Variants in CSMD1 observed in about 807,000 individuals in gnomAD.
CSMD1 encodes the protein CUB and sushi domain-containing protein 1.
In CSMD1, 213 loss-of-function variants were observed where a neutral mutation model predicts 417.5. The ratio of observed to expected loss-of-function variants is 0.51; its 90% CI spans 0.46 to 0.57. The LOEUF is 0.57. Ranked by LOEUF, CSMD1 falls within the 20% of genes least tolerant of loss-of-function variation. The pLI, the probability that CSMD1 is intolerant of heterozygous loss-of-function variation, is 0.00. For synonymous variants in CSMD1, 2,862 were observed against 1,736.8 expected (o/e 1.65, Z -16.11); for missense variants, 6,923 against 4,529.7 (o/e 1.53, Z -15.17).
chr8:4,705,926 G>A (rs1320287177), intron 1 of CSMD1, among the ~76,000 whole-genome samples: 1 of 151,930 alleles, frequency 6.6e-6, no homozygotes, highest in Admixed American at 6.6e-5. Flanking sequence ...TGTTGGTGCT[G>A]CTTATTTGAT....
intron 1 of CSMD1, among the ~76,000 whole-genome samples, chr8:4,738,903 T>TAGTG (rs140973405): frequency 6.8e-6 from 1 of 147,396 alleles, no homozygotes; most frequent in Admixed American, 6.7e-5. Context: ...TTCTGTGTGT[T>TAGTG]TGTGTGTGTG....
chr8:3,504,880 A>T (rs993559135), intron 10 of CSMD1, among the ~76,000 whole-genome samples: 1 of 152,208 alleles, frequency 6.6e-6, no homozygotes, highest in African/African-American at 2.4e-5. Context: ...CAAATGTGGC[A>T]AGGAAAATTT....
intron 3 of CSMD1, among the ~76,000 whole-genome samples, chr8:4,054,061 T>A (rs530744432): frequency 2.0e-5 from 3 of 152,296 alleles, no homozygotes; most frequent in Non-Finnish European, 2.9e-5. Context: ...AGCCAAATGC[T>A]ACTCCTATCT....
At chr8:3,996,549 G>A (rs974484724) in intron 5 of CSMD1, among the ~76,000 whole-genome samples, 1 of 151,824 alleles carries the variant, frequency 6.6e-6, no homozygotes, top group African/African-American at 2.4e-5. Flanking sequence ...TCCACCTCTC[G>A]GCTCAGCTTT....
chr8:4,677,234 G>C (rs895775182), intron 1 of CSMD1, among the ~76,000 whole-genome samples: 3 of 151,190 alleles, frequency 2.0e-5, no homozygotes, highest in African/African-American at 4.8e-5. Flanking sequence ...ATAATGCTCA[G>C]GGAATTTTAG....
intron 3 of CSMD1, among the ~76,000 whole-genome samples, chr8:4,163,837 A>T (rs1484496247): frequency 6.6e-6 from 1 of 152,178 alleles, no homozygotes; most frequent in Non-Finnish European, 1.5e-5. Context: ...TTCATCATTA[A>T]TTCAAAAATT....
chr8:4,116,629 A>G lies in CSMD1; in HGVS notation c.416-84530T>C, dbSNP rs533869585. On this transcript the variant is annotated intron_variant, in intron 3 of 69. Coordinates refer to ENST00000635120, the MANE Select transcript of CSMD1 (RefSeq NM_033225.6). The stretch of plus-strand genomic sequence containing the variant: ...GGTGCCTGGATGGAACAAACGCGCC[A>G]TGAATGAACCCTAACGTAAGCTGTA... 2.0e-5 allele frequency among the ~76,000 whole-genome samples: 3 copies of G among 149,544 alleles called. No individual in the cohort carries two copies. The East Asian group carries it at 6.1e-4, about 31-fold the overall frequency.
intron 3 of CSMD1, among the ~76,000 whole-genome samples, chr8:4,150,228 A>T (rs1299537078): frequency 6.6e-6 from 1 of 152,122 alleles, no homozygotes; most frequent in African/African-American, 2.4e-5. Flanking sequence ...AAACAGGGCC[A>T]TTTTTCCATC....
At chr8:4,248,982 A>G (rs1364768284) in intron 3 of CSMD1, among the ~76,000 whole-genome samples, 1 of 152,230 alleles carries the variant, frequency 6.6e-6, no homozygotes, top group Non-Finnish European at 1.5e-5. Flanking sequence ...AATTCAAAAC[A>G]TAAACAAACA....
At chr8:4,617,345 G>A (rs912513295) in intron 2 of CSMD1, among the ~76,000 whole-genome samples, 1 of 152,050 alleles carries the variant, frequency 6.6e-6, no homozygotes, top group Non-Finnish European at 1.5e-5. Context: ...ATTAGAAAAC[G>A]GAATGTAAAC....
intron 2 of CSMD1, among the ~76,000 whole-genome samples, chr8:4,559,704 G>C (rs1201908223): frequency 1.3e-5 from 2 of 152,176 alleles, no homozygotes; most frequent in African/African-American, 2.4e-5. Context: ...AAACAGCAAA[G>C]ATGCTGCGTA....
intron 18 of CSMD1, among the ~76,000 whole-genome samples, chr8:3,386,966 A>G (rs970737408): frequency 6.6e-6 from 1 of 152,198 alleles, no homozygotes; most frequent in Non-Finnish European, 1.5e-5. Context: ...GAGATTCCCA[A>G]GAGAAGATTT....
chr8:4,609,754 G>C (rs1801067373), intron 2 of CSMD1, among the ~76,000 whole-genome samples: 1 of 152,124 alleles, frequency 6.6e-6, no homozygotes. Flanking sequence ...GAAAGAAGCA[G>C]GGATGAAGTA....
At chr8:3,539,941 T>C (rs1468705746) in intron 10 of CSMD1, among the ~76,000 whole-genome samples, 1 of 152,188 alleles carries the variant, frequency 6.6e-6, no homozygotes, top group East Asian at 1.9e-4. Flanking sequence ...AACTTCTCTG[T>C]TTCCCATAAA....
chr8:3,201,619 A>C lies in CSMD1; in HGVS notation c.5091T>G (p.Ser1697=). The C allele has an allele frequency of 6.3e-7, 1 of 1,594,354 alleles. No individual in the cohort carries two copies. The change falls in exon 32 of 70, where the codon TCT becomes TCG. Residue 1697 remains serine, a synonymous_variant. Coordinates refer to ENST00000635120, the MANE Select transcript of CSMD1 (RefSeq NM_033225.6). The part of the protein sequence containing the change: ...QARLLSSLSG[S]HSGETLPLAT... ...AAATTCTTTAAGACTTACCTGAGTGAGACCCCGAGAGTGAGCTGAGAAGTC... is the reference window on the plus strand; with the variant it reads ...AAATTCTTTAAGACTTACCTGAGTGCGACCCCGAGAGTGAGCTGAGAAGTC...
At chr8:4,178,701 T>A (rs988427063) in intron 3 of CSMD1, among the ~76,000 whole-genome samples, 1 of 152,102 alleles carries the variant, frequency 6.6e-6, no homozygotes, top group Non-Finnish European at 1.5e-5. Context: ...CAGCCCAAAA[T>A]CTCCTTAAGC....
chr8:4,976,983 G>C (rs1810598552), intron 1 of CSMD1, among the ~76,000 whole-genome samples: 1 of 152,158 alleles, frequency 6.6e-6, no homozygotes, highest in Non-Finnish European at 1.5e-5. Flanking sequence ...TCCTAATAGA[G>C]CAATTTGTCA....
At position 4,827,614 on chromosome 8, in the gene CSMD1, A is replaced by G. The variant is rs183848367; in HGVS notation, c.85+166718T>C. On this transcript the variant is annotated intron_variant, in intron 1 of 69. Transcript: ENST00000635120. ...TTTCTTTGAGGAGCTTGTGTCTCAG[A>G]AAGATTGAATAGGTAAGTCTTTAGG... Among the ~76,000 whole-genome samples the G allele has an allele frequency of 3.3e-5, 5 of 152,300 alleles. No individual in the cohort carries two copies. In the East Asian group the frequency reaches 9.6e-4, roughly 29 times the overall value.
intron 10 of CSMD1, among the ~76,000 whole-genome samples, chr8:3,500,807 G>C (rs554809735): frequency 3.9e-5 from 6 of 152,300 alleles, no homozygotes; most frequent in South Asian, 4.1e-4. Flanking sequence ...AAGCGCTAAA[G>C]TGGATTGGCA....
Sources: allele counts gnomAD v4.1 joint callset (sites outside exome capture counted in the v4.1 genomes callset), GRCh38; gene constraint gnomAD v4.1.1; transcripts MANE v1.5; gene names NCBI Gene and HGNC (gene_info 2026-07-23, HGNC 2026-07-21).